MAN1A1: variants seen among roughly 807,000 people sequenced by gnomAD.
MAN1A1 encodes the protein mannosidase alpha class 1A member 1.
MAN1A1 carries 29 observed loss-of-function variants against 70.8 expected under a neutral mutation model. The ratio of observed to expected loss-of-function variants is 0.41; its 90% CI spans 0.31 to 0.56. The LOEUF (loss-of-function observed/expected upper bound fraction) is 0.56, where lower values mean the gene tolerates loss of function less well. Among genes scored for constraint, MAN1A1 ranks in the 20% least tolerant of loss-of-function variants. MAN1A1 has a pLI of 0.29. For synonymous variants in MAN1A1, 349 were observed against 330.1 expected, an observed-to-expected ratio of 1.06 and a Z score of -0.62; for missense variants, 747 against 841.3, an observed-to-expected ratio of 0.89 and a Z score of 1.39.
intron 12 of MAN1A1, 130 bp from the exon 13 acceptor site, chr6:119,180,075 TCAA>T: frequency 9.9e-7 from 1 of 1,010,404 alleles, no homozygotes; most frequent in East Asian, 2.5e-5. Context: ...GTCAAATATA[TCAA>T]AACCCTGAGG....
intron 4 of MAN1A1, among the ~76,000 whole-genome samples, chr6:119,296,439 GA>G (rs1160673025): frequency 2.0e-5 from 3 of 152,086 alleles, no homozygotes; most frequent in Admixed American, 2.0e-4. Flanking sequence ...CATTTAACAG[GA>G]TAATTAACTT....
At chr6:119,216,615 T>C (rs1446649163) in intron 6 of MAN1A1, among the ~76,000 whole-genome samples, 2 of 152,210 alleles carry the variant, frequency 1.3e-5, no homozygotes, top group African/African-American at 4.8e-5. Flanking sequence ...AAAGCCAAAT[T>C]CATGCATTTT....
chr6:119,299,443 T>C (rs1393719258), intron 4 of MAN1A1, among the ~76,000 whole-genome samples: 1 of 152,086 alleles, frequency 6.6e-6, no homozygotes, highest in Non-Finnish European at 1.5e-5. Context: ...TTTTTTGAAA[T>C]ATGTATATTT....
At chr6:119,331,424 G>A (rs1051417614) in intron 2 of MAN1A1, among the ~76,000 whole-genome samples, 1 of 151,804 alleles carries the variant, frequency 6.6e-6, no homozygotes, top group Non-Finnish European at 1.5e-5. Context: ...GAGAATAAAG[G>A]AAGCAAATTT....
intron 6 of MAN1A1, among the ~76,000 whole-genome samples, chr6:119,245,595 T>C (rs1157941051): frequency 6.6e-6 from 1 of 152,150 alleles, no homozygotes; most frequent in African/African-American, 2.4e-5. Context: ...AGGGGGAATT[T>C]TAGTGAACTA....
At chr6:119,185,711 G>A (rs1773269893) in intron 11 of MAN1A1, among the ~76,000 whole-genome samples, 1 of 152,012 alleles carries the variant, frequency 6.6e-6, no homozygotes, top group Non-Finnish European at 1.5e-5. Context: ...TGAGTAGCTG[G>A]GACTACAGGC....
chr6:119,253,902 A>G (rs1158235631), intron 5 of MAN1A1, among the ~76,000 whole-genome samples: 1 of 152,190 alleles, frequency 6.6e-6, no homozygotes, highest in Non-Finnish European at 1.5e-5. Flanking sequence ...CAATTACAAA[A>G]TATTTTTAGA....
At chr6:119,280,752 T>C (rs1436545358) in intron 5 of MAN1A1, among the ~76,000 whole-genome samples, 1 of 152,258 alleles carries the variant, frequency 6.6e-6, no homozygotes, top group Non-Finnish European at 1.5e-5. Context: ...CATGTCAATA[T>C]GACTCAGGCA....
At chr6:119,188,362 C>T (rs1440865514) in intron 11 of MAN1A1, 43 bp downstream of exon 11, 3 of 1,528,040 alleles carry the variant, frequency 2.0e-6, no homozygotes, top group Non-Finnish European at 2.6e-6. Context: ...ACATTTTTTA[C>T]TATGAAATTT....
intron 5 of MAN1A1, among the ~76,000 whole-genome samples, chr6:119,285,096 G>T (rs376795473): frequency 6.6e-6 from 1 of 151,634 alleles, no homozygotes; most frequent in Non-Finnish European, 1.5e-5. Context: ...ATGGCCAGAG[G>T]GGGAGCAGGA....
intron 8 of MAN1A1, among the ~76,000 whole-genome samples, chr6:119,199,394 T>C (rs1034333493): frequency 6.6e-6 from 1 of 152,202 alleles, no homozygotes; most frequent in Admixed American, 6.5e-5. Context: ...CTAGCTCAGC[T>C]TGCAACTCAA....
In MAN1A1 at chr6:119,349,273, C is replaced by G; in HGVS notation, c.-208G>C. The stretch of plus-strand genomic sequence containing the variant: ...GGGCACACAGGCACGCGCGACAGAC[C>G]GCTGGCTGCAGCCCCTGCGGGGAGA... On this transcript the variant is annotated 5_prime_UTR_variant, in exon 2 of 13. Transcript: ENST00000368468. 2.5e-6 allele frequency: 3 copies of G among 1,212,356 alleles called. No homozygotes were observed. Among genetic ancestry groups the G allele is most frequent in the Non-Finnish European group, 3.1e-6 (3 of 976,040 alleles). 75.1% of individuals were successfully genotyped at this position (1,212,356 alleles called of 1,614,324 possible).
At chr6:119,305,507 T>G (rs546282613) in intron 3 of MAN1A1, among the ~76,000 whole-genome samples, 1 of 150,106 alleles carries the variant, frequency 6.7e-6, no homozygotes, top group South Asian at 2.1e-4. Flanking sequence ...AAACACTACT[T>G]TAGAAGTGTC....
intron 6 of MAN1A1, among the ~76,000 whole-genome samples, chr6:119,224,664 AC>A (rs1774456086): frequency 6.6e-6 from 1 of 152,208 alleles, no homozygotes; most frequent in Non-Finnish European, 1.5e-5. Context: ...GGAAAACGTG[AC>A]CCATGCTCAG....
chr6:119,207,744 A>G (rs1773914774), intron 6 of MAN1A1, among the ~76,000 whole-genome samples: 1 of 152,232 alleles, frequency 6.6e-6, no homozygotes. Flanking sequence ...GGACATGGGC[A>G]TTTGACACTC....
Position 119,177,863 on chromosome 6 carries a change from A to C in MAN1A1, c.*1956T>G, listed in dbSNP as rs148826003. 5.3e-5 allele frequency: 8 copies of C among 152,234 alleles called. No homozygotes were observed. The highest frequency in any genetic ancestry group is 1.9e-4 in the African/African-American group (8 of 41,588). 9.4% of individuals were successfully genotyped at this position (152,234 alleles called of 1,614,324 possible). On this transcript the variant is annotated 3_prime_UTR_variant, in exon 13 of 13. Transcript: ENST00000368468. ...TGCAGAAATACTTATCAGCTTTCAA[A>C]TCAAAGTGAAAAGAAAATGAGTTAA...
intron 5 of MAN1A1, among the ~76,000 whole-genome samples, chr6:119,289,711 G>C (rs909283238): frequency 1.4e-4 from 21 of 151,954 alleles, no homozygotes; most frequent in African/African-American, 4.8e-4. Flanking sequence ...GAGAGGAAAT[G>C]TAAGATTGTG....
At chr6:119,347,149 C>T (rs1205444434) in intron 2 of MAN1A1, among the ~76,000 whole-genome samples, 6 of 152,156 alleles carry the variant, frequency 3.9e-5, no homozygotes, top group African/African-American at 4.8e-5. Context: ...CTTCCTAAAC[C>T]GAAAGGGATC....
At chr6:119,227,274 A>G (rs1474628312) in intron 6 of MAN1A1, among the ~76,000 whole-genome samples, 2 of 152,226 alleles carry the variant, frequency 1.3e-5, no homozygotes, top group African/African-American at 4.8e-5. Flanking sequence ...GATGATGGCA[A>G]ATGAATGGCT....
Sources: allele counts gnomAD v4.1 joint callset (sites outside exome capture counted in the v4.1 genomes callset), GRCh38; gene constraint gnomAD v4.1.1; transcripts MANE v1.5; gene names NCBI Gene and HGNC (gene_info 2026-07-23, HGNC 2026-07-21).